PARD3B: variants seen among roughly 807,000 people sequenced by gnomAD.
PARD3B encodes par-3 family cell polarity regulator beta, also known as partitioning defective 3 homolog B.
A neutral mutation model predicts 130.2 loss-of-function variants in PARD3B; 103 were observed. The observed-to-expected ratio is 0.79, with a 90% CI of 0.67 to 0.93. PARD3B has a LOEUF of 0.93. Ranked by LOEUF, PARD3B falls within the 40% of genes least tolerant of loss-of-function variation. The probability of loss-of-function intolerance (pLI) is 0.00; values close to 1 mark genes in which losing one functional copy is unlikely to be tolerated. For synonymous variants in PARD3B, 583 were observed against 553.2 expected (o/e 1.05, Z -0.76); for missense variants, 1,609 against 1,499.2 (o/e 1.07, Z -1.21).
chr2:204,734,202 A>G (rs1160956639), intron 2 of PARD3B, among the ~76,000 whole-genome samples: 3 of 152,202 alleles, frequency 2.0e-5, no homozygotes, highest in Non-Finnish European at 2.9e-5. Flanking sequence ...AAGCAAATCA[A>G]AATTACAGTG....
At chr2:204,865,814 G>C (rs1218032988) in intron 2 of PARD3B, among the ~76,000 whole-genome samples, 4 of 152,124 alleles carry the variant, frequency 2.6e-5, no homozygotes, top group Non-Finnish European at 4.4e-5. Context: ...TAGAAGAAGA[G>C]TAAATCACAG....
chr2:205,335,667 C>T (rs2043287936), intron 18 of PARD3B, among the ~76,000 whole-genome samples: 1 of 151,752 alleles, frequency 6.6e-6, no homozygotes. Flanking sequence ...GTTCGATGGA[C>T]TTACAGTTCT....
intron 8 of PARD3B, among the ~76,000 whole-genome samples, chr2:205,123,490 G>A (rs1318253117): frequency 6.6e-6 from 1 of 152,060 alleles, no homozygotes; most frequent in Non-Finnish European, 1.5e-5. Context: ...GCTGGCCAAG[G>A]CAGGGAGTCT....
intron 4 of PARD3B, among the ~76,000 whole-genome samples, chr2:205,090,444 C>G (rs1280732783): frequency 6.6e-6 from 1 of 152,170 alleles, no homozygotes; most frequent in Non-Finnish European, 1.5e-5. Flanking sequence ...AAGTACAGTT[C>G]AGGAAAGATC....
chr2:204,896,696 C>T (rs1366515784), intron 2 of PARD3B, among the ~76,000 whole-genome samples: 3 of 152,100 alleles, frequency 2.0e-5, no homozygotes, highest in Non-Finnish European at 2.9e-5. Flanking sequence ...AGACTAATGA[C>T]AAGACTCTAC....
At chr2:204,561,173 G>A (rs79238604) in intron 1 of PARD3B, among the ~76,000 whole-genome samples, 5 of 152,246 alleles carry the variant, frequency 3.3e-5, no homozygotes, top group Non-Finnish European at 5.9e-5. Context: ...TCCTGAGTTC[G>A]TAAAGATGCC....
Position 205,288,132 on chromosome 2 carries a change from G to A in PARD3B, c.2186-12398G>A, listed in dbSNP as rs1014398820. Reference sequence around the variant, plus strand: ...CTTACGAGGAGATAGCAAAGGGTCCGGCCATGACAGTCACAATGAAGCCAT... The same window carrying A: ...CTTACGAGGAGATAGCAAAGGGTCCAGCCATGACAGTCACAATGAAGCCAT... On this transcript the variant is annotated intron_variant, in intron 16 of 22. Transcript: ENST00000406610. This position sits in a 1 kb window ranked among gnomAD's most constrained non-coding sequence, Gnocchi z 4.0. 6.6e-6 allele frequency among the ~76,000 whole-genome samples: 1 copy of A among 151,968 alleles called. No homozygotes were observed. Among genetic ancestry groups the A allele is most frequent in the Non-Finnish European group, 1.5e-5 (1 of 68,012 alleles).
chr2:204,859,707 C>T (rs983614514), intron 2 of PARD3B, among the ~76,000 whole-genome samples: 1 of 152,110 alleles, frequency 6.6e-6, no homozygotes, highest in Non-Finnish European at 1.5e-5. Flanking sequence ...AAGAGGGCCT[C>T]CCTTGAAGGC....
At chr2:205,120,703 G>T (rs2125618587) in intron 7 of PARD3B, among the ~76,000 whole-genome samples, 1 of 152,296 alleles carries the variant, frequency 6.6e-6, no homozygotes, top group South Asian at 2.1e-4. Flanking sequence ...GGAAAAATGG[G>T]CACAAGATGG....
rs1362065718 is a variant in PARD3B, at chr2:205,591,506, C to A, written c.3261-23950C>A. On this transcript the variant is annotated intron_variant, in intron 22 of 22. Transcript: ENST00000406610. The surrounding 1 kb of genome is among the most constrained non-coding windows in gnomAD (Gnocchi z 4.2). ...GTGCTTTACAGACTTTCTCATTTAA[C>A]CCTCCTAGCTACTCAGTGGAAGCAA... Among the ~76,000 whole-genome samples the A allele has an allele frequency of 6.6e-6, 1 of 152,212 alleles. No homozygotes were observed. The highest frequency in any genetic ancestry group is 2.4e-5 in the African/African-American group (1 of 41,460).
chr2:205,072,023 G>T (rs1260492586), intron 4 of PARD3B, among the ~76,000 whole-genome samples: 1 of 151,960 alleles, frequency 6.6e-6, no homozygotes, highest in Non-Finnish European at 1.5e-5. Flanking sequence ...GTTCTTATTT[G>T]TATTTCTTCT....
chr2:204,557,940 T>G lies in PARD3B; in HGVS notation c.120+11821T>G, dbSNP rs1330780284. The G allele has an allele frequency of 2.0e-5, 3 of 152,240 alleles. No individual in the cohort carries two copies. In the South Asian group the frequency reaches 6.2e-4, roughly 32 times the overall value. 9.4% of individuals were successfully genotyped at this position (152,240 alleles called of 1,614,324 possible). A position where few individuals can be genotyped will look rare whatever the true frequency, so the allele number is the denominator to read the frequency against. ...CAGTCTCTTGTGTTTGAATAATGTT[T>G]GATTTTCAGCATTCATTAATTTCAT... On this transcript the variant is annotated intron_variant, in intron 1 of 22. Transcript: ENST00000406610.
At chr2:204,613,859 T>G (rs1452220688) in intron 1 of PARD3B, among the ~76,000 whole-genome samples, 1 of 152,134 alleles carries the variant, frequency 6.6e-6, no homozygotes, top group Non-Finnish European at 1.5e-5. Context: ...GTTATTTATT[T>G]TTTCTTTTTA....
At chr2:204,980,192 A>G (rs1316624326) in intron 3 of PARD3B, among the ~76,000 whole-genome samples, 4 of 152,242 alleles carry the variant, frequency 2.6e-5, no homozygotes, top group Non-Finnish European at 5.9e-5. Flanking sequence ...TAAAATGGCC[A>G]GTAGATTTAT....
At chr2:205,057,388 AT>A (rs1202281510) in intron 4 of PARD3B, among the ~76,000 whole-genome samples, 1 of 136,034 alleles carries the variant, frequency 7.4e-6, no homozygotes, top group Non-Finnish European at 1.6e-5. Flanking sequence ...ATATACATAT[AT>A]ACATGTATAT....
chr2:204,972,453 T>A (rs778108452), intron 3 of PARD3B, among the ~76,000 whole-genome samples: 1 of 152,210 alleles, frequency 6.6e-6, no homozygotes, highest in Admixed American at 6.5e-5. Context: ...AGTTAACTTT[T>A]GTATTTTAGT....
At chr2:205,071,866 C>T (rs533819411) in intron 4 of PARD3B, among the ~76,000 whole-genome samples, 1 of 152,052 alleles carries the variant, frequency 6.6e-6, no homozygotes, top group Admixed American at 6.5e-5. Context: ...GTCTATAGAT[C>T]CAAATTTTAT....
At chr2:205,353,638 C>T (rs1162070852) in intron 18 of PARD3B, among the ~76,000 whole-genome samples, 2 of 152,074 alleles carry the variant, frequency 1.3e-5, no homozygotes, top group East Asian at 3.9e-4. Flanking sequence ...TGACTGAAAC[C>T]TTTTGTTTCA....
intron 2 of PARD3B, among the ~76,000 whole-genome samples, chr2:204,899,072 T>C (rs1338729205): frequency 2.0e-5 from 3 of 151,954 alleles, no homozygotes; most frequent in Non-Finnish European, 4.4e-5. Flanking sequence ...TTTTAATCTA[T>C]GTCTTTTGAT....
Sources: allele counts gnomAD v4.1 joint callset (sites outside exome capture counted in the v4.1 genomes callset), GRCh38; gene constraint gnomAD v4.1.1; non-coding constraint Gnocchi (gnomAD v3.1); transcripts MANE v1.5; gene names NCBI Gene and HGNC (gene_info 2026-07-23, HGNC 2026-07-21).